The following STK32C variants were observed in gnomAD, a reference collection of about 807,000 sequenced individuals.
The protein encoded by STK32C is serine/threonine-protein kinase 32C.
STK32C carries 31 observed loss-of-function variants against 56.5 expected under a neutral mutation model. The ratio of observed to expected loss-of-function variants is 0.55; its 90% CI spans 0.41 to 0.74. STK32C has a LOEUF of 0.74. Ranked by LOEUF, STK32C falls within the 30% of genes least tolerant of loss-of-function variation. STK32C has a pLI of 0.00. For missense variants in STK32C, 544 were observed against 676.9 expected, an observed-to-expected ratio of 0.80 and a Z score of 2.18; for synonymous variants, 309 against 289.4, an observed-to-expected ratio of 1.07 and a Z score of -0.69.
intron 2 of STK32C, among the ~76,000 whole-genome samples, chr10:132,245,363 C>G (rs1007193300): frequency 1.3e-5 from 2 of 152,190 alleles, no homozygotes; most frequent in Non-Finnish European, 2.9e-5. Flanking sequence ...TATAATTACC[C>G]CCAATCTCTA....
At chr10:132,283,672 G>C (rs1271864196) in intron 1 of STK32C, among the ~76,000 whole-genome samples, 2 of 152,146 alleles carry the variant, frequency 1.3e-5, no homozygotes, top group Non-Finnish European at 2.9e-5. Flanking sequence ...CTGAAGAGAG[G>C]AGGAGGGAGA....
chr10:132,234,655 G>C (rs1314439076), intron 2 of STK32C, among the ~76,000 whole-genome samples: 1 of 152,224 alleles, frequency 6.6e-6, no homozygotes, highest in Non-Finnish European at 1.5e-5. Context: ...GGGGAGTGGT[G>C]GGATGCCGGG....
At chr10:132,266,350 G>T (rs185543191) in intron 1 of STK32C, among the ~76,000 whole-genome samples, 1 of 152,254 alleles carries the variant, frequency 6.6e-6, no homozygotes, top group East Asian at 1.9e-4. Context: ...AGAGCCCAGA[G>T]AACTTTCCAG....
intron 1 of STK32C, among the ~76,000 whole-genome samples, chr10:132,277,567 C>T (rs7073262): frequency 0.1 from 15,178 of 152,246 alleles, 951 homozygotes; most frequent in East Asian, 0.32. Flanking sequence ...CCTGCCTGCC[C>T]GTGGCCCTGC....
chr10:132,314,656 A>T (rs1193321463), intron 1 of STK32C, among the ~76,000 whole-genome samples: 1 of 152,246 alleles, frequency 6.6e-6, no homozygotes, highest in Non-Finnish European at 1.5e-5. Flanking sequence ...ACTAAAAAAG[A>T]ATTTAAAAGT....
chr10:132,308,578 G>A (rs2138417486), upstream of STK32C, among the ~76,000 whole-genome samples: 1 of 151,960 alleles, frequency 6.6e-6, no homozygotes, highest in East Asian at 2.0e-4. Flanking sequence ...AGGGTGGGGT[G>A]GGGCAGGGCG....
intron 1 of STK32C, among the ~76,000 whole-genome samples, chr10:132,326,335 C>T (rs997126773): frequency 2.0e-5 from 3 of 152,100 alleles, no homozygotes; most frequent in African/African-American, 7.2e-5. Context: ...AGTCTTAAAA[C>T]CTCTATTTTA....
intron 11 of STK32C, 130 bp downstream of exon 11, chr10:132,208,904 A>G (rs1176835849): frequency 1.2e-6 from 1 of 803,500 alleles, no homozygotes; most frequent in African/African-American, 1.7e-5. Flanking sequence ...TGCTGCTCAG[A>G]GTCCCCAAAG....
At chr10:132,258,722 G>A (rs1172514148) in intron 1 of STK32C, among the ~76,000 whole-genome samples, 3 of 152,200 alleles carry the variant, frequency 2.0e-5, no homozygotes, top group African/African-American at 7.2e-5. Context: ...GAAAGGAGCT[G>A]CTTCTGGACT....
Position 132,307,776 on chromosome 10 carries a change from G to C in STK32C, c.58C>G (p.Pro20Ala), listed in dbSNP as rs2066124742. ...SSAAASPGSP[P>A]PGRARPAGSD... ...CCGGCGGGGCGCGCGCGGCCGGGGG[G>C]CGGCGAGCCCGGGGACGCCGCGGCG... The change falls in exon 1 of 12, where the codon CCC (proline) becomes GCC (alanine). Residue 20 changes from proline (P) to alanine (A), a missense_variant. Around this residue, in one of 3 missense-constraint regions of STK32C, gnomAD observed 182 missense variants for 217.7 expected, o/e 0.84. Transcript: ENST00000298630. This position sits in a 1 kb window ranked among gnomAD's most constrained non-coding sequence, Gnocchi z 4.4. 1.1e-5 allele frequency: 11 copies of C among 995,306 alleles called. No individual in the cohort carries two copies. Among genetic ancestry groups the C allele is most frequent in the Non-Finnish European group, 1.3e-5 (11 of 838,152 alleles). 61.7% of individuals were successfully genotyped at this position (995,306 alleles called of 1,614,324 possible).
chr10:132,278,129 CCT>C (rs1292451829), intron 1 of STK32C, among the ~76,000 whole-genome samples: 1 of 152,110 alleles, frequency 6.6e-6, no homozygotes, highest in Non-Finnish European at 1.5e-5. Flanking sequence ...CAGACTCTGC[CCT>C]CTGACTTGGC....
chr10:132,213,559 C>G (rs2062381657), intron 10 of STK32C, among the ~76,000 whole-genome samples: 1 of 152,246 alleles, frequency 6.6e-6, no homozygotes. Flanking sequence ...AAAGGCCCAT[C>G]TACTTCAGCT....
Position 132,223,344 on chromosome 10 carries a change from T to C in STK32C, c.994-358A>G, listed in dbSNP as rs7903609. Among the ~76,000 whole-genome samples, 689 of 152,250 alleles carry C rather than the reference T, an allele frequency of 4.5e-3. 10 individuals are homozygous for C. The highest frequency in any genetic ancestry group is 0.016 in the African/African-American group (660 of 41,558). The stretch of plus-strand genomic sequence containing the variant: ...GGCACATGGCTGGCCTCACAGTAAC[T>C]ATCCCAGAGCCACTTCCTTCACCGA... On this transcript the variant is annotated intron_variant, in intron 8 of 11. Coordinates refer to ENST00000298630, the MANE Select transcript of STK32C (RefSeq NM_173575.4).
chr10:132,234,879 G>A (rs755788072), intron 2 of STK32C, among the ~76,000 whole-genome samples: 10 of 152,248 alleles, frequency 6.6e-5, no homozygotes, highest in Non-Finnish European at 8.8e-5. Context: ...CACCGGGGCA[G>A]GTGGGAAGCT....
chr10:132,319,650 C>G (rs577025273), downstream of STK32C, among the ~76,000 whole-genome samples: 11 of 152,290 alleles, frequency 7.2e-5, no homozygotes, highest in African/African-American at 2.6e-4. Context: ...GTCAGTGCTT[C>G]CCTAGGGCTG....
intron 10 of STK32C, among the ~76,000 whole-genome samples, chr10:132,215,668 G>A (rs553493263): frequency 8.5e-5 from 13 of 152,246 alleles, no homozygotes; most frequent in Admixed American, 3.9e-4. Flanking sequence ...TATTAGCAGC[G>A]TGAGAACAGA....
intron 1 of STK32C, among the ~76,000 whole-genome samples, chr10:132,286,001 C>G (rs1444810930): frequency 1.3e-5 from 2 of 152,078 alleles, no homozygotes; most frequent in East Asian, 3.9e-4. Context: ...TGGCGGGCGC[C>G]TGTCATCCCA....
chr10:132,224,461 C>T lies in STK32C; in HGVS notation c.939G>A (p.Val313=). The part of the protein sequence containing the change: ...VESLVQLFST[V]SVQYVPTWSK... ...ACCACGTGGGGACATACTGGACGCT[C>T]ACGGTGCTGAACAGCTGCACCAGGG... The change falls in exon 8 of 12, where the codon GTG becomes GTA. Residue 313 remains valine, a synonymous_variant. Transcript: ENST00000298630. 6.4e-7 allele frequency: 1 copy of T among 1,571,020 alleles called. No individual in the cohort carries two copies. Among genetic ancestry groups the T allele is most frequent in the Non-Finnish European group, 8.6e-7 (1 of 1,157,956 alleles).
Position 132,255,564 on chromosome 10 carries a change from G to A in STK32C, c.263-9609C>T, listed in dbSNP as rs1034769584. Among the ~76,000 whole-genome samples, 2 of 152,200 alleles carry A rather than the reference G, an allele frequency of 1.3e-5. No homozygotes were observed. The highest frequency in any genetic ancestry group is 2.4e-5 in the African/African-American group (1 of 41,454). On this transcript the variant is annotated intron_variant, in intron 1 of 11. Coordinates refer to ENST00000298630, the MANE Select transcript of STK32C (RefSeq NM_173575.4). This position sits in a 1 kb window ranked among gnomAD's most constrained non-coding sequence, Gnocchi z 4.6. ...GGTGAGGAGGCTCCCGAGTTACAGC[G>A]GAGAACATAGAGCAGAAGCGTCCAG...
Sources: gnomAD v4.1 joint callset for allele counts (sites outside exome capture counted in the v4.1 genomes callset) on GRCh38, gnomAD v4.1.1 for gene constraint, gnomAD v4.1.1 regional missense constraint, Gnocchi (gnomAD v3.1) non-coding constraint, MANE v1.5 for transcripts, NCBI Gene and HGNC (gene_info 2026-07-23, HGNC 2026-07-21) for gene names.